Variants in CHRNA7 observed in about 807,000 individuals in gnomAD.
The protein encoded by CHRNA7 is cholinergic receptor nicotinic alpha 7 subunit.
In CHRNA7, 17 loss-of-function variants were observed where a neutral mutation model predicts 48.0. That is an observed-to-expected ratio of 0.35 (90% CI 0.24 to 0.53). The LOEUF (loss-of-function observed/expected upper bound fraction) is 0.53, where lower values mean the gene tolerates loss of function less well. Among genes scored for constraint, CHRNA7 ranks in the 20% least tolerant of loss-of-function variants. The probability of loss-of-function intolerance (pLI) is 0.92; values close to 1 mark genes in which losing one functional copy is unlikely to be tolerated. For missense variants in CHRNA7, 155 were observed against 577.7 expected (o/e 0.27, Z 7.50); for synonymous variants, 75 against 242.3 (o/e 0.31, Z 6.41).
intron 4 of CHRNA7, among the ~76,000 whole-genome samples, chr15:32,139,411 T>A (rs78794260): frequency 2.7e-3 from 409 of 152,228 alleles, no homozygotes; most frequent in African/African-American, 9.2e-3. Context: ...ATGGAAAGAG[T>A]ATGCTTCGTT....
rs185184517 is a variant in CHRNA7, at chr15:32,044,397, C to G, written c.195+13360C>G. 1.8e-4 allele frequency among the ~76,000 whole-genome samples: 27 copies of G among 152,226 alleles called. No individual in the cohort carries two copies. In the East Asian group the frequency reaches 4.8e-3, roughly 27 times the overall value. On this transcript the variant is annotated intron_variant, in intron 2 of 9. Coordinates refer to ENST00000306901, the MANE Select transcript of CHRNA7 (RefSeq NM_000746.6). ...GATTCAAGCAATTCTTCTGCCTCAG[C>G]CTCCCGAGTAGCTGGAACTACAGGT...
intron 4 of CHRNA7, among the ~76,000 whole-genome samples, chr15:32,133,200 C>T (rs891883812): frequency 1.3e-5 from 2 of 152,228 alleles, no homozygotes; most frequent in Non-Finnish European, 2.9e-5. Flanking sequence ...CTTCTCCTTC[C>T]ACTGCTGGGG....
At chr15:32,046,786 G>A (rs1436117229) in intron 2 of CHRNA7, among the ~76,000 whole-genome samples, 3 of 151,792 alleles carry the variant, frequency 2.0e-5, no homozygotes, top group African/African-American at 7.3e-5. Flanking sequence ...TTTCTTCTAG[G>A]GTTTTTATGG....
chr15:32,092,428 G>T (rs2141247814), intron 2 of CHRNA7, among the ~76,000 whole-genome samples: 1 of 152,176 alleles, frequency 6.6e-6, no homozygotes, highest in Admixed American at 6.5e-5. Context: ...TTAGTTGTGT[G>T]TGTATGCCTG....
intron 9 of CHRNA7, chr15:32,166,590 G>T (rs2052163954): frequency 6.6e-6 from 1 of 151,990 alleles, no homozygotes; most frequent in Admixed American, 6.5e-5. Context: ...TTTACTATCT[G>T]TATATTTATT....
chr15:32,100,504 G>C (rs1297147657), intron 2 of CHRNA7: 1 of 154,274 alleles, frequency 6.5e-6, no homozygotes, highest in Non-Finnish European at 1.5e-5. Context: ...TCTCTTCTCT[G>C]TACGTCCTGT....
At chr15:32,136,604 T>C (rs974293567) in intron 4 of CHRNA7, among the ~76,000 whole-genome samples, 2 of 152,100 alleles carry the variant, frequency 1.3e-5, no homozygotes, top group Non-Finnish European at 2.9e-5. Flanking sequence ...TATATGACTC[T>C]GGAAGGCCAT....
intron 3 of CHRNA7, among the ~76,000 whole-genome samples, chr15:32,104,910 GTCTC>G (rs990048431): frequency 3.3e-5 from 5 of 152,192 alleles, no homozygotes; most frequent in African/African-American, 1.2e-4. Flanking sequence ...TTATGGAGAG[GTCTC>G]TCTCCCTGGT....
rs1228716804 is a variant in CHRNA7 at position 32,121,744 on chromosome 15, T to C, written c.350+9845T>C. On this transcript the variant is annotated intron_variant, in intron 4 of 9. Transcript: ENST00000306901. ...ATGGTGCCTTTTTTCACTTTTAAGA[T>C]GGGGCATTTCATGGAAAGATATGTA... 3.3e-5 allele frequency among the ~76,000 whole-genome samples: 5 copies of C among 152,226 alleles called. No homozygotes were observed. The East Asian group carries it at 9.7e-4, about 29-fold the overall frequency.
intron 4 of CHRNA7, 112 bp downstream of exon 4, chr15:32,112,011 C>T (rs2050770171): frequency 1.3e-6 from 1 of 757,116 alleles, no homozygotes; most frequent in South Asian, 1.6e-5. Context: ...TGATCTGGGG[C>T]CACTGCTCCC....
At chr15:32,117,457 C>T (rs1167425177) in intron 4 of CHRNA7, among the ~76,000 whole-genome samples, 5 of 152,156 alleles carry the variant, frequency 3.3e-5, no homozygotes, top group Admixed American at 6.5e-5. Flanking sequence ...TCTGCTACAG[C>T]GCAGATGAGC....
rs892325846 is a variant in CHRNA7, at chr15:32,108,909, G to T, written c.241-2881G>T. On this transcript the variant is annotated intron_variant, in intron 3 of 9. Coordinates refer to ENST00000306901, the MANE Select transcript of CHRNA7 (RefSeq NM_000746.6). ...TGATTTACCTGAACAAGCTCACGCCGCTAGTCTCTGCCAGACCCTTGGTGC... is the reference window on the plus strand; with the variant it reads ...TGATTTACCTGAACAAGCTCACGCCTCTAGTCTCTGCCAGACCCTTGGTGC... Among the ~76,000 whole-genome samples, 5 of 152,144 alleles carry T rather than the reference G, an allele frequency of 3.3e-5. No individual in the cohort carries two copies. In the South Asian group the frequency reaches 1.0e-3, roughly 32 times the overall value.
At chr15:32,053,867 T>A (rs184228033) in intron 2 of CHRNA7, among the ~76,000 whole-genome samples, 1 of 152,196 alleles carries the variant, frequency 6.6e-6, no homozygotes, top group East Asian at 1.9e-4. Context: ...AGCTCGTAGG[T>A]GTAGGAGCTG....
chr15:32,147,642 C>T (rs1354402810), intron 4 of CHRNA7, among the ~76,000 whole-genome samples: 1 of 152,042 alleles, frequency 6.6e-6, no homozygotes, highest in Non-Finnish European at 1.5e-5. Context: ...TTTCTGGAAG[C>T]CTCCTCCTGG....
chr15:32,107,182 C>T (rs2050684359), intron 3 of CHRNA7, among the ~76,000 whole-genome samples: 1 of 152,202 alleles, frequency 6.6e-6, no homozygotes, highest in Non-Finnish European at 1.5e-5. Flanking sequence ...CCACCAGCAA[C>T]TGGGGGTCCA....
intron 4 of CHRNA7, chr15:32,112,422 A>G (rs1200749319): frequency 2.2e-6 from 1 of 451,124 alleles, no homozygotes; most frequent in Non-Finnish European, 4.5e-6. Flanking sequence ...CAGGGTATAT[A>G]CCTGATTTCT....
intron 4 of CHRNA7, among the ~76,000 whole-genome samples, chr15:32,122,165 G>A (rs2050982559): frequency 6.6e-6 from 1 of 152,200 alleles, no homozygotes; most frequent in Non-Finnish European, 1.5e-5. Context: ...ATGGCAAGCA[G>A]CACATCGCAG....
rs559709039 is a variant in CHRNA7 at position 32,086,990 on chromosome 15, T to C, written c.196-14313T>C. Among the ~76,000 whole-genome samples, 19 of 152,266 alleles carry C rather than the reference T, an allele frequency of 1.2e-4. No individual in the cohort carries two copies. The East Asian group carries it at 2.7e-3, about 22-fold the overall frequency. On this transcript the variant is annotated intron_variant, in intron 2 of 9. Transcript: ENST00000306901. ...TACTCTTTTTCCCCTATTTATATAC[T>C]GTACTCTTTGGAAGGAAGTCACTAT...
intron 2 of CHRNA7, among the ~76,000 whole-genome samples, chr15:32,053,869 T>G (rs1057122917): frequency 6.6e-6 from 1 of 152,196 alleles, no homozygotes; most frequent in East Asian, 1.9e-4. Context: ...CTCGTAGGTG[T>G]AGGAGCTGAC....
Sources: allele counts gnomAD v4.1 joint callset (sites outside exome capture counted in the v4.1 genomes callset), GRCh38; gene constraint gnomAD v4.1.1; transcripts MANE v1.5; gene names NCBI Gene and HGNC (gene_info 2026-07-23, HGNC 2026-07-21).